The following GDPD1 variants were observed in gnomAD, a reference collection of about 807,000 sequenced individuals.
GDPD1 encodes glycerophosphodiester phosphodiesterase domain containing 1, also known as lysophospholipase D GDPD1.
A neutral mutation model predicts 45.1 loss-of-function variants in GDPD1; 28 were observed. That is an observed-to-expected ratio of 0.62 (90% CI 0.46 to 0.85). The LOEUF is 0.85. Among genes scored for constraint, GDPD1 ranks in the 40% least tolerant of loss-of-function variants. GDPD1 has a pLI of 0.00. For missense variants in GDPD1, 256 were observed against 364.8 expected (o/e 0.70, Z 2.43); for synonymous variants, 139 against 131.4 (o/e 1.06, Z -0.40).
chr17:59,251,931 C>T (rs941274486), intron 4 of GDPD1, among the ~76,000 whole-genome samples: 1 of 132,300 alleles, frequency 7.6e-6, no homozygotes, highest in African/African-American at 3.0e-5. Context: ...TTGCTGAGCC[C>T]AGGAGGTTGA....
chr17:59,242,916 A>T (rs1197523440), intron 2 of GDPD1, among the ~76,000 whole-genome samples: 1 of 152,154 alleles, frequency 6.6e-6, no homozygotes. Context: ...ATCTGTCCAG[A>T]GGCTGGGCAT....
intron 7 of GDPD1, among the ~76,000 whole-genome samples, chr17:59,268,461 C>T (rs1048063230): frequency 3.3e-5 from 5 of 151,238 alleles, no homozygotes; most frequent in Non-Finnish European, 5.9e-5. Flanking sequence ...CGCCTGTAGT[C>T]CCAGCTACTC....
At chr17:59,231,742 T>C (rs998503040) in intron 1 of GDPD1, among the ~76,000 whole-genome samples, 4 of 152,162 alleles carry the variant, frequency 2.6e-5, no homozygotes, top group African/African-American at 9.6e-5. Context: ...CATGGATGAC[T>C]AACATCGTTG....
intron 4 of GDPD1, among the ~76,000 whole-genome samples, chr17:59,249,627 C>G (rs1291785204): frequency 6.6e-6 from 1 of 152,132 alleles, no homozygotes; most frequent in Non-Finnish European, 1.5e-5. Context: ...AAACATGTCC[C>G]TTGACCCAAC....
chr17:59,266,000 C>T (rs1455482861), intron 6 of GDPD1, among the ~76,000 whole-genome samples: 1 of 145,944 alleles, frequency 6.9e-6, no homozygotes, highest in Non-Finnish European at 1.5e-5. Context: ...ATACTTAAAA[C>T]CACCAAACTG....
Position 59,273,872 on chromosome 17 carries a change from T to A in GDPD1, c.*99T>A. The stretch of plus-strand genomic sequence containing the variant: ...AAGCCATTTCCAGAATGGTAAAAGG[T>A]TTAATCAGTTTTTATTACCTCATTT... On this transcript the variant is annotated 3_prime_UTR_variant, in exon 10 of 10. Transcript: ENST00000284116. 1.5e-6 allele frequency: 2 copies of A among 1,308,530 alleles called. No individual in the cohort carries two copies. Among genetic ancestry groups the A allele is most frequent in the African/African-American group, 3.0e-5 (2 of 66,622 alleles). The allele number at this position is 1,308,530 out of a possible 1,614,324, so 81.1% of individuals were successfully genotyped here.
chr17:59,264,235 G>C (rs1357013144), intron 6 of GDPD1, among the ~76,000 whole-genome samples: 1 of 151,782 alleles, frequency 6.6e-6, no homozygotes, highest in East Asian at 1.9e-4. Flanking sequence ...CCTGACCTCA[G>C]ATGATCCACC....
At chr17:59,236,326 C>A (rs1430595028) in intron 2 of GDPD1, among the ~76,000 whole-genome samples, 1 of 152,130 alleles carries the variant, frequency 6.6e-6, no homozygotes, top group Non-Finnish European at 1.5e-5. Context: ...TATTTTTCAT[C>A]TTGAACAGTT....
chr17:59,222,505 CTTT>C (rs149536097), intron 1 of GDPD1, among the ~76,000 whole-genome samples: 605 of 41,702 alleles, frequency 0.015, 4 homozygotes, highest in African/African-American at 0.037. Context: ...AGTGCCCAGC[CTTT>C]TTTTTTTTTT....
At position 59,224,811 on chromosome 17, in the gene GDPD1, A is replaced by G. The variant is rs191270912; in HGVS notation, c.142+4060A>G. ...GCCGCTGAACTTCAGCTTGGGCGAC[A>G]TAGCAAGACCCTGTCTGTAAAGTAA... On this transcript the variant is annotated intron_variant, in intron 1 of 9. Coordinates refer to ENST00000284116, the MANE Select transcript of GDPD1 (RefSeq NM_182569.4). Among the ~76,000 whole-genome samples the G allele has an allele frequency of 7.9e-3, 1,197 of 152,196 alleles. 54 individuals carry two copies. Among genetic ancestry groups the G allele is most frequent in the Admixed American group, 0.072 (1,103 of 15,270 alleles).
intron 1 of GDPD1, 89 bp downstream of exon 1, chr17:59,220,840 C>A: frequency 6.9e-7 from 1 of 1,443,770 alleles, no homozygotes. Context: ...GTGCCAATCC[C>A]TGAGAGTTTG....
chr17:59,236,499 G>GTTGT (rs1555721987), intron 2 of GDPD1, among the ~76,000 whole-genome samples: 3 of 151,640 alleles, frequency 2.0e-5, no homozygotes, highest in African/African-American at 7.3e-5. Flanking sequence ...TGTTGTTGTT[G>GTTGT]TTGTTTGTTT....
intron 2 of GDPD1, among the ~76,000 whole-genome samples, chr17:59,242,698 C>T (rs546209879): frequency 2.9e-4 from 44 of 152,280 alleles, no homozygotes; most frequent in African/African-American, 8.7e-4. Context: ...CACACAGACA[C>T]ATTCAAAGGT....
At chr17:59,238,456 C>T (rs1302900350) in intron 2 of GDPD1, among the ~76,000 whole-genome samples, 1 of 149,696 alleles carries the variant, frequency 6.7e-6, no homozygotes, top group Non-Finnish European at 1.5e-5. Context: ...CTCTGTTGCC[C>T]AGGCTGGAGT....
At chr17:59,248,668 T>C (rs2047230760) in intron 3 of GDPD1, 72 bp from the exon 4 acceptor site, 1 of 1,075,708 alleles carries the variant, frequency 9.3e-7, no homozygotes, top group Non-Finnish European at 1.4e-6. Context: ...TATCTTTGTG[T>C]CTTAATGTAA....
intron 6 of GDPD1, among the ~76,000 whole-genome samples, chr17:59,265,734 C>CA (rs1014076405): frequency 2.0e-5 from 3 of 151,136 alleles, no homozygotes; most frequent in Admixed American, 1.3e-4. Context: ...CTCATATCTA[C>CA]AAAAAATACC....
intron 6 of GDPD1, among the ~76,000 whole-genome samples, chr17:59,264,997 C>T (rs1275506740): frequency 6.6e-6 from 1 of 151,894 alleles, no homozygotes; most frequent in African/African-American, 2.4e-5. Flanking sequence ...TACGCCACCA[C>T]GCCCGGCTAA....
At chr17:59,259,382 G>A (rs566033019) in intron 6 of GDPD1, among the ~76,000 whole-genome samples, 2 of 151,634 alleles carry the variant, frequency 1.3e-5, no homozygotes, top group South Asian at 2.1e-4. Context: ...CCTGGCTAAC[G>A]CGGTGAAACC....
chr17:59,221,467 A>G (rs1442286693), intron 1 of GDPD1, among the ~76,000 whole-genome samples: 1 of 151,502 alleles, frequency 6.6e-6, no homozygotes, highest in Admixed American at 6.6e-5. Flanking sequence ...AAATAAATAA[A>G]TAAATAAATA....
Sources: gnomAD v4.1 joint callset for allele counts (sites outside exome capture counted in the v4.1 genomes callset) on GRCh38, gnomAD v4.1.1 for gene constraint, MANE v1.5 for transcripts, NCBI Gene and HGNC (gene_info 2026-07-23, HGNC 2026-07-21) for gene names.